PCSK2: variants seen among roughly 807,000 people sequenced by gnomAD.
The protein encoded by PCSK2 is proprotein convertase subtilisin/kexin type 2.
In PCSK2, 14 loss-of-function variants were observed where a neutral mutation model predicts 69.7. The ratio of observed to expected loss-of-function variants is 0.20; its 90% CI spans 0.13 to 0.31. The LOEUF (loss-of-function observed/expected upper bound fraction) is 0.31. Among genes scored for constraint, PCSK2 ranks in the 10% least tolerant of loss-of-function variants. PCSK2 has a pLI of 1.00. For missense variants in PCSK2, 544 were observed against 842.5 expected (o/e 0.65, Z 4.39); for synonymous variants, 307 against 320.7 (o/e 0.96, Z 0.46).
In PCSK2 at chr20:17,332,043, C is replaced by T. The variant is rs547312054; in HGVS notation, c.283-26284C>T. On this transcript the variant is annotated intron_variant, in intron 2 of 11. Coordinates refer to ENST00000262545, the MANE Select transcript of PCSK2 (RefSeq NM_002594.5). ...TTACATGCTAAGCACTGTTCTGAACCCTTTACATTTGTTAACTTATTTAAT... is the reference window on the plus strand; with the variant it reads ...TTACATGCTAAGCACTGTTCTGAACTCTTTACATTTGTTAACTTATTTAAT... Among the ~76,000 whole-genome samples, 9 of 152,094 alleles carry T rather than the reference C, an allele frequency of 5.9e-5. No homozygotes were observed. In the South Asian group the frequency reaches 1.7e-3, roughly 28 times the overall value.
chr20:17,387,446 A>G (rs910374680), intron 5 of PCSK2, among the ~76,000 whole-genome samples: 1 of 152,122 alleles, frequency 6.6e-6, no homozygotes, highest in African/African-American at 2.4e-5. Flanking sequence ...TCAACTGAAG[A>G]CTCAACCAGG....
intron 2 of PCSK2, among the ~76,000 whole-genome samples, chr20:17,303,458 A>AATATAATATATATTAT (rs1431461529): frequency 1.8e-5 from 1 of 55,536 alleles, no homozygotes; most frequent in Non-Finnish European, 3.7e-5. Flanking sequence ...TATTATATTA[A>AATATAATATATATTAT]ATATAATATA....
At chr20:17,407,370 C>A (rs751803651) in intron 5 of PCSK2, among the ~76,000 whole-genome samples, 22 of 152,114 alleles carry the variant, frequency 1.4e-4, no homozygotes, top group Admixed American at 2.6e-4. Context: ...GAGAAACAAA[C>A]CAGATTGGGC....
chr20:17,480,706 G>A (rs2033384683), intron 11 of PCSK2, among the ~76,000 whole-genome samples: 1 of 152,206 alleles, frequency 6.6e-6, no homozygotes, highest in East Asian at 1.9e-4. Flanking sequence ...AGGAAGGGGA[G>A]AAAAGCCAAT....
intron 5 of PCSK2, among the ~76,000 whole-genome samples, chr20:17,371,174 G>A (rs2030749871): frequency 1.3e-5 from 2 of 152,190 alleles, no homozygotes; most frequent in East Asian, 1.9e-4. Flanking sequence ...TGTCTCCTGT[G>A]CATAGCATAA....
At chr20:17,246,536 G>C (rs1183158320) in intron 1 of PCSK2, among the ~76,000 whole-genome samples, 1 of 152,124 alleles carries the variant, frequency 6.6e-6, no homozygotes, top group Non-Finnish European at 1.5e-5. Flanking sequence ...GAATGTAAAA[G>C]TATGAACCAA....
At chr20:17,418,930 GT>G (rs1421615711) in intron 6 of PCSK2, among the ~76,000 whole-genome samples, 1 of 152,212 alleles carries the variant, frequency 6.6e-6, no homozygotes, top group Non-Finnish European at 1.5e-5. Flanking sequence ...ACAAAGGCTA[GT>G]TACAATGCAG....
intron 2 of PCSK2, among the ~76,000 whole-genome samples, chr20:17,355,807 G>A (rs942627914): frequency 6.6e-6 from 1 of 152,156 alleles, no homozygotes; most frequent in Admixed American, 6.5e-5. Context: ...GTGACTGCGA[G>A]CAGCAGGGGA....
chr20:17,451,216 T>C (rs2032816048), intron 8 of PCSK2, among the ~76,000 whole-genome samples: 2 of 152,240 alleles, frequency 1.3e-5, no homozygotes, highest in Non-Finnish European at 1.5e-5. Flanking sequence ...CTGTTCACGG[T>C]TCAGAAACAG....
In PCSK2 at chr20:17,481,657, C is replaced by T. The variant is rs767747613; in HGVS notation, c.1504C>T (p.Arg502Cys). The change falls in exon 12 of 12, where the codon CGC becomes TGC. Residue 502 changes from arginine (R) to cysteine (C), a missense_variant. This residue lies in a region of PCSK2 where 200 missense variants were observed against 287.8 expected (regional missense o/e 0.69). Coordinates refer to ENST00000262545, the MANE Select transcript of PCSK2 (RefSeq NM_002594.5). ...DACEGKENFV[R>C]YLEHVQAVIT... is the part of the protein sequence containing the mutation. ...CTGTGAGGGGAAGGAAAATTTTGTC[C>T]GCTACCTGGAGCATGTCCAGGCTGT... 1.6e-5 allele frequency: 26 copies of T among 1,613,960 alleles called. No homozygotes were observed. Among genetic ancestry groups the T allele is most frequent in the East Asian group, 2.2e-5 (1 of 44,874 alleles).
rs1186479395 is a variant in PCSK2 at position 17,303,471 on chromosome 20, TTATA to T, written c.282+43132_282+43135del. On this transcript the variant is annotated intron_variant, in intron 2 of 11. Coordinates refer to ENST00000262545, the MANE Select transcript of PCSK2 (RefSeq NM_002594.5). ...TATATTATATTAAATATAATATATA[TTATA>T]TATAATATATATTATATTTAATATA... Among the ~76,000 whole-genome samples, 3 of 49,010 alleles carry T rather than the reference TTATA, an allele frequency of 6.1e-5. No homozygotes were observed. The South Asian group carries it at 1.2e-3, about 20-fold the overall frequency. 32.2% of individuals were successfully genotyped at this position (49,010 alleles called of 152,430 possible).
chr20:17,331,884 T>C (rs1271882541), intron 2 of PCSK2, among the ~76,000 whole-genome samples: 1 of 152,052 alleles, frequency 6.6e-6, no homozygotes, highest in Non-Finnish European at 1.5e-5. Flanking sequence ...GCTAGGACCC[T>C]GGTCTTGGAT....
chr20:17,343,924 C>T (rs8114053), intron 2 of PCSK2, among the ~76,000 whole-genome samples: 89,412 of 152,054 alleles, frequency 0.59, 27,333 homozygotes, highest in Non-Finnish European at 0.68. Context: ...ACCTCTGATT[C>T]CTAGAACTGT....
intron 8 of PCSK2, among the ~76,000 whole-genome samples, chr20:17,437,838 A>T (rs1314240164): frequency 6.6e-6 from 1 of 152,222 alleles, no homozygotes; most frequent in Admixed American, 6.5e-5. Flanking sequence ...CTCAGCCGAT[A>T]GATTCGTTAC....
intron 1 of PCSK2, among the ~76,000 whole-genome samples, chr20:17,258,124 T>C (rs1313025972): frequency 6.6e-6 from 1 of 152,156 alleles, no homozygotes; most frequent in Non-Finnish European, 1.5e-5. Flanking sequence ...TTTAAATAAC[T>C]CTAAACCCAG....
chr20:17,420,917 C>T (rs1470780369), intron 6 of PCSK2, among the ~76,000 whole-genome samples: 1 of 152,098 alleles, frequency 6.6e-6, no homozygotes, highest in Non-Finnish European at 1.5e-5. Context: ...ACTCCCTAAC[C>T]GACAACCAAT....
chr20:17,252,495 A>G (rs1009966471), intron 1 of PCSK2, among the ~76,000 whole-genome samples: 1 of 152,212 alleles, frequency 6.6e-6, no homozygotes, highest in Non-Finnish European at 1.5e-5. Context: ...AGCACTTTTC[A>G]TGCATTATCT....
intron 1 of PCSK2, among the ~76,000 whole-genome samples, chr20:17,257,090 AC>A (rs1600416537): frequency 6.6e-6 from 1 of 152,104 alleles, no homozygotes; most frequent in African/African-American, 2.4e-5. Flanking sequence ...AAGAAAAAAA[AC>A]CCATCAAGGA....
At chr20:17,352,722 G>C (rs1176102750) in intron 2 of PCSK2, among the ~76,000 whole-genome samples, 2 of 152,166 alleles carry the variant, frequency 1.3e-5, no homozygotes, top group South Asian at 2.1e-4. Context: ...AGATTTGAAA[G>C]TAAGACATCA....
Sources: gnomAD v4.1 joint callset for allele counts (sites outside exome capture counted in the v4.1 genomes callset) on GRCh38, gnomAD v4.1.1 for gene constraint, gnomAD v4.1.1 regional missense constraint, MANE v1.5 for transcripts, NCBI Gene and HGNC (gene_info 2026-07-23, HGNC 2026-07-21) for gene names.